The following CEP162 variants were observed in gnomAD, a reference collection of about 807,000 sequenced individuals.
The protein encoded by CEP162 is centrosomal protein of 162 kDa.
In CEP162, 141 loss-of-function variants were observed where a neutral mutation model predicts 169.2. The observed-to-expected ratio is 0.83, with a 90% CI of 0.73 to 0.96. The LOEUF (loss-of-function observed/expected upper bound fraction) is 0.96, where lower values mean the gene tolerates loss of function less well. Ranked by LOEUF, CEP162 falls within the 40% of genes least tolerant of loss-of-function variation. The pLI is 0.00. For missense variants in CEP162, 1,600 were observed against 1,587.2 expected (o/e 1.01, Z -0.14); for synonymous variants, 540 against 526.4 (o/e 1.03, Z -0.35).
intron 14 of CEP162, 103 bp downstream of exon 14, chr6:84,175,111 A>T: frequency 1.1e-6 from 1 of 913,458 alleles, no homozygotes; most frequent in Non-Finnish European, 1.6e-6. Context: ...TATCACTCAA[A>T]GGAAAAGACA....
intron 25 of CEP162, among the ~76,000 whole-genome samples, chr6:84,132,482 A>G (rs1347571573): frequency 6.6e-6 from 1 of 152,162 alleles, no homozygotes; most frequent in East Asian, 1.9e-4. Context: ...AGGTACACCA[A>G]TCAGACATAG....
chr6:84,155,495 C>G lies in CEP162; in HGVS notation c.2797G>C (p.Gly933Arg), dbSNP rs1182125405. 5.0e-6 allele frequency: 8 copies of G among 1,606,688 alleles called. No homozygotes were observed. The highest frequency in any genetic ancestry group is 2.2e-5 in the South Asian group (2 of 90,624). ...DLERQVKEME[G>R]ILKRRYPNSL... is the part of the protein sequence containing the mutation. ...TTGGGATATCTTCTCTTCAGAATCCCTTCCATTTCCTTAACCTATTAAAAC... is the reference window on the plus strand; with the variant it reads ...TTGGGATATCTTCTCTTCAGAATCCGTTCCATTTCCTTAACCTATTAAAAC... Residue 933 changes from glycine to arginine, a missense_variant, in exon 22 of 27, where the codon GGG becomes CGG. Coordinates refer to ENST00000403245, the MANE Select transcript of CEP162 (RefSeq NM_014895.4).
chr6:84,204,988 A>AT (rs555375330), intron 6 of CEP162, among the ~76,000 whole-genome samples: 33,254 of 152,028 alleles, frequency 0.22, 7,967 homozygotes, highest in African/African-American at 0.6. Context: ...AAACGGATAA[A>AT]TCCTGGACAC....
chr6:84,169,518 A>C, intron 17 of CEP162, 85 bp from the exon 18 acceptor site: 3 of 765,586 alleles, frequency 3.9e-6, no homozygotes, highest in Non-Finnish European at 6.2e-6. Flanking sequence ...TTAAAAATTA[A>C]AAACTAACAT....
At chr6:84,162,652 G>T (rs1213736054) in intron 19 of CEP162, among the ~76,000 whole-genome samples, 1 of 151,944 alleles carries the variant, frequency 6.6e-6, no homozygotes, top group East Asian at 1.9e-4. Context: ...ACCCTCATTT[G>T]GTATCCCAAT....
intron 25 of CEP162, among the ~76,000 whole-genome samples, chr6:84,145,896 G>A (rs1259746910): frequency 6.6e-6 from 1 of 152,062 alleles, no homozygotes; most frequent in African/African-American, 2.4e-5. Context: ...TTAGTATACA[G>A]ACTACTCCTA....
At chr6:84,202,518 C>CTTTTTTTTTTTTTTT (rs70987776) in intron 7 of CEP162, among the ~76,000 whole-genome samples, 2 of 90,774 alleles carry the variant, frequency 2.2e-5, no homozygotes, top group Non-Finnish European at 4.0e-5. Context: ...TTCTTTCTTT[C>CTTTTTTTTTTTTTTT]TTTTTTTTTT....
intron 18 of CEP162, among the ~76,000 whole-genome samples, chr6:84,164,273 T>C (rs2099526900): frequency 1.3e-5 from 2 of 152,170 alleles, no homozygotes; most frequent in African/African-American, 4.8e-5. Context: ...AGTTCAACCA[T>C]TGTGGAAGAC....
intron 16 of CEP162, among the ~76,000 whole-genome samples, chr6:84,172,292 C>A (rs1179390449): frequency 6.6e-6 from 1 of 152,122 alleles, no homozygotes; most frequent in Non-Finnish European, 1.5e-5. Flanking sequence ...ACCCAGTTCA[C>A]CACAAGGCTT....
At chr6:84,195,333 C>T (rs181969691) in intron 9 of CEP162, among the ~76,000 whole-genome samples, 1 of 152,262 alleles carries the variant, frequency 6.6e-6, no homozygotes, top group East Asian at 1.9e-4. Context: ...TATTCTTAAT[C>T]GACCCCCTCT....
intron 3 of CEP162, among the ~76,000 whole-genome samples, chr6:84,216,406 A>G (rs958139329): frequency 1.3e-5 from 2 of 152,134 alleles, no homozygotes; most frequent in African/African-American, 2.4e-5. Flanking sequence ...TGTAAATATC[A>G]TTTCAAAAAA....
chr6:84,216,110 T>C, intron 3 of CEP162, 188 bp from the exon 4 acceptor site: 2 of 751,612 alleles, frequency 2.7e-6, no homozygotes, highest in Admixed American at 3.6e-5. Flanking sequence ...TTGGTGGCAC[T>C]GTATCATATT....
intron 13 of CEP162, among the ~76,000 whole-genome samples, chr6:84,182,717 C>T (rs1323063522): frequency 6.6e-6 from 1 of 152,134 alleles, no homozygotes; most frequent in Non-Finnish European, 1.5e-5. Context: ...ACAAAAGTCA[C>T]ATACTAGGGA....
At chr6:84,157,734 TCTC>T (rs1333693193) in intron 21 of CEP162, among the ~76,000 whole-genome samples, 1 of 152,124 alleles carries the variant, frequency 6.6e-6, no homozygotes, top group Non-Finnish European at 1.5e-5. Flanking sequence ...TACAAAGCTC[TCTC>T]CTCTTTTTTC....
intron 5 of CEP162, among the ~76,000 whole-genome samples, chr6:84,213,673 C>T (rs954176175): frequency 2.0e-5 from 3 of 152,182 alleles, no homozygotes; most frequent in Non-Finnish European, 2.9e-5. Context: ...CCTAATATTG[C>T]ATGTTCAATG....
chr6:84,165,253 T>G (rs558077250), intron 18 of CEP162, among the ~76,000 whole-genome samples: 36 of 152,034 alleles, frequency 2.4e-4, no homozygotes, highest in African/African-American at 8.7e-4. Flanking sequence ...CATCACCACC[T>G]GACATATAAA....
chr6:84,126,540 A>G (rs2099509006), intron 25 of CEP162, 28 bp from the exon 26 acceptor site: 2 of 1,445,764 alleles, frequency 1.4e-6, no homozygotes, highest in South Asian at 1.4e-5. Flanking sequence ...AGCAAATGAA[A>G]AACTATAATC....
chr6:84,182,797 G>T (rs2099535487), intron 13 of CEP162, among the ~76,000 whole-genome samples: 1 of 152,068 alleles, frequency 6.6e-6, no homozygotes, highest in Non-Finnish European at 1.5e-5. Flanking sequence ...GCCTATCTCT[G>T]GACTCTTTGT....
chr6:84,218,098 T>TG (rs920675651), intron 3 of CEP162, among the ~76,000 whole-genome samples: 2 of 152,170 alleles, frequency 1.3e-5, no homozygotes, highest in East Asian at 3.9e-4. Context: ...TAAGATTAAT[T>TG]GGGGGGGTAT....
Sources: allele counts gnomAD v4.1 joint callset (sites outside exome capture counted in the v4.1 genomes callset), GRCh38; gene constraint gnomAD v4.1.1; transcripts MANE v1.5; gene names NCBI Gene and HGNC (gene_info 2026-07-23, HGNC 2026-07-21).